The following FGF14 variants were observed in gnomAD, a reference collection of about 807,000 sequenced individuals.
FGF14 encodes the protein fibroblast growth factor 14, also known as fibroblast growth factor homologous factor 4.
A neutral mutation model predicts 25.5 loss-of-function variants in FGF14; 5 were observed. The observed-to-expected ratio is 0.20, with a 90% confidence interval of 0.10 to 0.41. The LOEUF (loss-of-function observed/expected upper bound fraction) is 0.41, where lower values mean the gene tolerates loss of function less well. Ranked by LOEUF, FGF14 falls within the 10% of genes least tolerant of loss-of-function variation. The pLI is 1.00. For missense variants in FGF14, 222 were observed against 320.1 expected (o/e 0.69, Z 2.34); for synonymous variants, 138 against 118.3 (o/e 1.17, Z -1.08).
chr13:102,393,505 T>TA lies in FGF14; in HGVS notation c.208+7965dup, dbSNP rs1169626122. On this transcript the variant is annotated intron_variant, in intron 1 of 4. Coordinates refer to the FGF14 transcript ENST00000376131. ...CTTCTTAATTTACAAATGAGGTTTA[T>TA]AAAAAAGATTTAAGAAAGATTTTTC... is the stretch of plus-strand genomic sequence containing the variant. 3.9e-5 allele frequency among the ~76,000 whole-genome samples: 6 copies of TA among 152,282 alleles called. No homozygotes were observed. In the East Asian group the frequency reaches 9.6e-4, roughly 24 times the overall value.
chr13:102,171,199 T>C (rs1474497017), intron 1 of FGF14, among the ~76,000 whole-genome samples: 1 of 152,208 alleles, frequency 6.6e-6, no homozygotes, highest in Admixed American at 6.5e-5. Flanking sequence ...CCCGCATTTT[T>C]AGACCAGTGT....
At chr13:102,378,284 T>C (rs1248103759) in intron 1 of FGF14, among the ~76,000 whole-genome samples, 3 of 152,154 alleles carry the variant, frequency 2.0e-5, no homozygotes, top group Admixed American at 6.6e-5. Context: ...GGAGAGGTGA[T>C]GGATCTGTGG....
At chr13:101,819,431 G>A (rs2042003771) in intron 3 of FGF14, among the ~76,000 whole-genome samples, 1 of 152,178 alleles carries the variant, frequency 6.6e-6, no homozygotes, top group South Asian at 2.1e-4. Context: ...CCAAAATTGG[G>A]TTCACAGACT....
chr13:101,909,189 TTCA>T (rs775316006), intron 1 of FGF14, among the ~76,000 whole-genome samples: 36 of 152,186 alleles, frequency 2.4e-4, no homozygotes, highest in Non-Finnish European at 4.9e-4. Context: ...GTGCGAGGAC[TTCA>T]TGTCTAAAAC....
At chr13:101,847,533 T>C in intron 3 of FGF14, among the ~76,000 whole-genome samples, 1 of 152,134 alleles carries the variant, frequency 6.6e-6, no homozygotes, top group East Asian at 1.9e-4. Context: ...ATCGTGTGCA[T>C]GTTTGTGATT....
At chr13:102,132,644 G>A (rs1186666202) in intron 1 of FGF14, among the ~76,000 whole-genome samples, 1 of 151,846 alleles carries the variant, frequency 6.6e-6, no homozygotes, top group East Asian at 1.9e-4. Context: ...AGCCTCTCAA[G>A]TAGCTGGGAC....
intron 3 of FGF14, chr13:101,802,614 T>C (rs2040944688): frequency 6.5e-6 from 1 of 152,794 alleles, no homozygotes; most frequent in Non-Finnish European, 1.5e-5. Flanking sequence ...TGTCAGTGGT[T>C]TATGTCAAGT....
At chr13:101,874,760 A>T (rs1045797470) in intron 2 of FGF14, among the ~76,000 whole-genome samples, 1 of 152,176 alleles carries the variant, frequency 6.6e-6, no homozygotes, top group African/African-American at 2.4e-5. Flanking sequence ...ATGTAAAAAA[A>T]CAAAACAAAA....
rs2041003044 is a variant in FGF14, at chr13:101,803,303, A to T, written c.408+65422T>A. ...GTCACTACACTCAGCTAATTAAAAA[A>T]AAAATTATGGAATTGGGGGTCTCAC... is the stretch of plus-strand genomic sequence containing the variant. On this transcript the variant is annotated intron_variant, in intron 3 of 4. Transcript: ENST00000376143. Among the ~76,000 whole-genome samples, 3 of 151,854 alleles carry T rather than the reference A, an allele frequency of 2.0e-5. No homozygotes were observed. The South Asian group carries it at 6.2e-4, about 32-fold the overall frequency.
At chr13:102,120,461 A>G (rs1224814474) in intron 1 of FGF14, among the ~76,000 whole-genome samples, 1 of 152,222 alleles carries the variant, frequency 6.6e-6, no homozygotes, top group Admixed American at 6.5e-5. Flanking sequence ...GCTGGGACCC[A>G]GGGACACAGG....
At chr13:101,907,710 T>A (rs1566414371) in intron 1 of FGF14, among the ~76,000 whole-genome samples, 1 of 152,138 alleles carries the variant, frequency 6.6e-6, no homozygotes. Context: ...AGGGGATTCT[T>A]TTTTAACATG....
chr13:101,777,889 A>C (rs1387438080), intron 3 of FGF14, among the ~76,000 whole-genome samples: 1 of 152,038 alleles, frequency 6.6e-6, no homozygotes, highest in Non-Finnish European at 1.5e-5. Context: ...GCTTGAACCC[A>C]GGAGGTGGAG....
intron 1 of FGF14, among the ~76,000 whole-genome samples, chr13:102,318,836 C>T (rs2056134345): frequency 6.6e-6 from 1 of 152,130 alleles, no homozygotes; most frequent in Non-Finnish European, 1.5e-5. Flanking sequence ...ACATTGATGG[C>T]TACCTGTAGA....
intron 1 of FGF14, among the ~76,000 whole-genome samples, chr13:102,269,980 C>T (rs573650606): frequency 2.6e-4 from 40 of 152,210 alleles, no homozygotes; most frequent in African/African-American, 7.9e-4. Flanking sequence ...AAGGCAGGGA[C>T]CAGTTTTTTT....
intron 1 of FGF14, among the ~76,000 whole-genome samples, chr13:102,127,394 A>T (rs559379898): frequency 4.8e-4 from 73 of 152,276 alleles, no homozygotes; most frequent in African/African-American, 1.6e-3. Flanking sequence ...GATATCAGAA[A>T]AACCAATGAA....
intron 3 of FGF14, among the ~76,000 whole-genome samples, chr13:101,730,786 G>A (rs766380853): frequency 5.9e-5 from 9 of 152,178 alleles, no homozygotes; most frequent in Non-Finnish European, 8.8e-5. Flanking sequence ...GGTAGATACA[G>A]GAGTGAGGAA....
intron 1 of FGF14, among the ~76,000 whole-genome samples, chr13:102,371,694 A>C (rs2057890152): frequency 6.6e-6 from 1 of 152,188 alleles, no homozygotes; most frequent in East Asian, 1.9e-4. Context: ...CGATGTGCCA[A>C]GAATATTAAA....
At chr13:101,804,397 A>G (rs995900531) in intron 3 of FGF14, among the ~76,000 whole-genome samples, 1 of 152,196 alleles carries the variant, frequency 6.6e-6, no homozygotes, top group South Asian at 2.1e-4. Context: ...GTGTAAAGGT[A>G]AGTACTGCTG....
chr13:102,229,630 C>G (rs2050987803), intron 1 of FGF14, among the ~76,000 whole-genome samples: 1 of 152,188 alleles, frequency 6.6e-6, no homozygotes, highest in South Asian at 2.1e-4. Flanking sequence ...CCTCTTCCCT[C>G]TCTAGTCCCT....
Sources: gnomAD v4.1 joint callset for allele counts (sites outside exome capture counted in the v4.1 genomes callset) on GRCh38, gnomAD v4.1.1 for gene constraint, MANE v1.5 for transcripts, NCBI Gene and HGNC (gene_info 2026-07-23, HGNC 2026-07-21) for gene names.